The following RSRP1 variants were observed in gnomAD, a reference collection of about 807,000 sequenced individuals.
RSRP1 encodes the protein arginine and serine rich protein 1.
Under a neutral mutation model 33.0 loss-of-function variants are expected in RSRP1, and 37 were observed. That is an observed-to-expected ratio of 1.12 (90% confidence interval 0.86 to 1.48). RSRP1 has a LOEUF of 1.48. RSRP1 is among the 40% of genes most tolerant of loss of function. The probability of loss-of-function intolerance (pLI) is 0.00; values close to 1 mark genes in which losing one functional copy is unlikely to be tolerated. For missense variants in RSRP1, 402 were observed against 385.3 expected (o/e 1.04, Z -0.36); for synonymous variants, 167 against 158.7 (o/e 1.05, Z -0.40).
rs1642986201 is a variant in RSRP1 at position 25,296,663 on chromosome 1, T to A, written c.-67+41315A>T. ...GAGGTGATTGGATCACAGGGGTGGT[T>A]TCCCCCATGCTGTTCTTGTGACAGT... On this transcript the variant is annotated intron_variant, in intron 1 of 1. Coordinates refer to the RSRP1 transcript ENST00000561867. 1.5e-5 allele frequency among the ~76,000 whole-genome samples: 2 copies of A among 130,860 alleles called. 1 individual carries two copies. 85.8% of individuals were successfully genotyped at this position (130,860 alleles called of 152,430 possible).
rs1557483059 is a variant in RSRP1, at chr1:25,244,816, T to C, written c.672+334A>G. ...CTCCTGCCTCAGCCTCCCAAACAGC[T>C]GGGACTACAGGCATGCACCACCATG... On this transcript the variant is annotated intron_variant, in intron 3 of 4. Coordinates refer to ENST00000243189, the MANE Select transcript of RSRP1 (RefSeq NM_020317.5). 5 of 957,602 alleles carry C rather than the reference T, an allele frequency of 5.2e-6. No individual in the cohort carries two copies. The East Asian group carries it at 3.0e-4, about 57-fold the overall frequency. The allele number at this position is 957,602 out of a possible 1,614,324, so 59.3% of individuals were successfully genotyped here.
intron 1 of RSRP1, among the ~76,000 whole-genome samples, chr1:25,299,072 TAAAAAAAAAAAAA>T (rs34867414): frequency 2.4e-5 from 1 of 40,878 alleles, no homozygotes; most frequent in African/African-American, 7.8e-5. Flanking sequence ...CACATGGTGA[TAAAAAAAAAAAAA>T]AAAAAAAAAA....
chr1:25,288,575 A>G (rs1328875028), intron 1 of RSRP1, among the ~76,000 whole-genome samples: 2 of 126,542 alleles, frequency 1.6e-5, no homozygotes, highest in Non-Finnish European at 3.7e-5. Flanking sequence ...CTTGACGTAT[A>G]TCAACTCACT....
Position 25,294,685 on chromosome 1 carries a change from G to A in RSRP1, c.-67+43293C>T. 2 of 625,620 alleles carry A rather than the reference G, an allele frequency of 3.2e-6. 1 individual carries two copies. Among genetic ancestry groups the A allele is most frequent in the South Asian group, 3.2e-5 (2 of 62,324 alleles). The allele number at this position is 625,620 out of a possible 1,614,324, so 38.8% of individuals were successfully genotyped here. ...AGAGTTCATCTTAACGAGAGAAATG[G>A]CAGGGACTGTGAATAGGCCGGCAGA... is the stretch of plus-strand genomic sequence containing the variant. On this transcript the variant is annotated intron_variant, in intron 1 of 1. Transcript: ENST00000561867.
chr1:25,328,787 G>T, intron 1 of RSRP1: 1 of 509,772 alleles, frequency 2.0e-6, no homozygotes, highest in East Asian at 2.8e-5. Context: ...CAGATTTTAT[G>T]AAAGAATTTC....
chr1:25,253,978 G>A (rs1639870951), intron 1 of RSRP1: 1 of 152,250 alleles, frequency 6.6e-6, no homozygotes, highest in South Asian at 2.1e-4. Flanking sequence ...TTTTGACACA[G>A]ATGATACATT....
chr1:25,333,411 A>G (rs1490651584), intron 1 of RSRP1, among the ~76,000 whole-genome samples: 1 of 130,134 alleles, frequency 7.7e-6, no homozygotes, highest in Non-Finnish European at 1.8e-5. Flanking sequence ...TTAATATCTG[A>G]GCAGAGACTT....
chr1:25,292,594 T>C (rs1407230011), intron 1 of RSRP1, among the ~76,000 whole-genome samples: 1 of 128,308 alleles, frequency 7.8e-6, no homozygotes, highest in Non-Finnish European at 1.8e-5. Context: ...GGGATAGATC[T>C]GGGAGGGAAA....
intron 1 of RSRP1, chr1:25,267,791 A>G (rs1222309284): frequency 7.6e-6 from 1 of 131,486 alleles, no homozygotes; most frequent in Non-Finnish European, 1.8e-5. Context: ...TAGAACGCTC[A>G]GCACACAGAG....
In RSRP1 at chr1:25,256,627, A is replaced by AT. The variant is rs112188440; in HGVS notation, c.-66-9599dup. On this transcript the variant is annotated intron_variant, in intron 1 of 1. Coordinates refer to the RSRP1 transcript ENST00000561867. ...CACACACCACCACCATACCCAGCTA[A>AT]TTTTTTTTGTATTTTTTTGTAGAAA... Among the ~76,000 whole-genome samples the AT allele has an allele frequency of 7.9e-5, 12 of 151,754 alleles. 3 individuals carry two copies. Among genetic ancestry groups the AT allele is most frequent in the African/African-American group, 2.9e-4 (12 of 41,406 alleles).
At chr1:25,245,769 G>C (rs962768850) in intron 2 of RSRP1, among the ~76,000 whole-genome samples, 5 of 152,086 alleles carry the variant, frequency 3.3e-5, no homozygotes, top group African/African-American at 1.2e-4. Context: ...ATTTTCTCTA[G>C]CTAATAGTGA....
In RSRP1 at chr1:25,243,603, G is replaced by C. The variant is rs777397599; in HGVS notation, c.703C>G (p.Arg235Gly). Residue 235 changes from arginine (R) to glycine (G), a missense_variant, in exon 4 of 5, where the codon CGA becomes GGA. By Grantham distance (125) the Arg-to-Gly change is moderately radical. Transcript: ENST00000243189. ...TGGGTAGGTTTTTCATTGGGATTTC[G>C]AGTTCCATCTTCTGTTACCTTTTCC... ...LSEKVTEDGT[R>G]NPNEKPTQQR... 1 of 1,613,664 alleles carries C rather than the reference G, an allele frequency of 6.2e-7. No homozygotes were observed. The highest frequency in any genetic ancestry group is 1.7e-5 in the Admixed American group (1 of 60,014).
chr1:25,246,193 CCACT>C (rs771115044), intron 2 of RSRP1, among the ~76,000 whole-genome samples: 59 of 152,250 alleles, frequency 3.9e-4, no homozygotes, highest in Non-Finnish European at 6.6e-4. Context: ...AAGGCTCCAC[CCACT>C]AAGAACAGTC....
intron 1 of RSRP1, among the ~76,000 whole-genome samples, chr1:25,268,489 A>C (rs1189621819): frequency 7.6e-6 from 1 of 131,272 alleles, no homozygotes; most frequent in African/African-American, 2.6e-5. Context: ...ACTGCATTCC[A>C]GCCTGGGTGA....
intron 1 of RSRP1, chr1:25,272,773 G>T: frequency 7.5e-7 from 1 of 1,340,434 alleles, no homozygotes; most frequent in Non-Finnish European, 1.1e-6. Flanking sequence ...TTCTCCAGGG[G>T]CACAGATGTT....
chr1:25,264,507 T>C (rs1290046633), intron 1 of RSRP1, among the ~76,000 whole-genome samples: 2 of 148,618 alleles, frequency 1.3e-5, no homozygotes, highest in African/African-American at 4.9e-5. Context: ...GTGGCTGGGA[T>C]GCAGGGCACC....
chr1:25,244,845 G>C, intron 3 of RSRP1: 1 of 1,009,560 alleles, frequency 9.9e-7, no homozygotes, highest in South Asian at 1.7e-5. Context: ...CACCATGCCT[G>C]GCTAATTTTT....
At chr1:25,261,709 T>C (rs1260465173) in intron 1 of RSRP1, among the ~76,000 whole-genome samples, 2 of 141,888 alleles carry the variant, frequency 1.4e-5, no homozygotes, top group Non-Finnish European at 3.1e-5. Flanking sequence ...CAGCAGATTT[T>C]TTTTTTTTTT....
intron 1 of RSRP1, among the ~76,000 whole-genome samples, chr1:25,296,328 C>A (rs1202674265): frequency 8.0e-6 from 1 of 124,412 alleles, no homozygotes. Context: ...CTCACTGCAA[C>A]CTCCGCCTCC....
Sources: allele counts gnomAD v4.1 joint callset (sites outside exome capture counted in the v4.1 genomes callset), GRCh38; gene constraint gnomAD v4.1.1; transcripts MANE v1.5; gene names NCBI Gene and HGNC (gene_info 2026-07-23, HGNC 2026-07-21).